Variants in IL1RAPL1 observed in about 807,000 individuals in gnomAD.
IL1RAPL1 encodes the protein interleukin 1 receptor accessory protein like 1.
IL1RAPL1 carries 3 observed loss-of-function variants against 48.4 expected under a neutral mutation model. The observed-to-expected ratio is 0.06, with a 90% CI of 0.03 to 0.16. IL1RAPL1 has a LOEUF of 0.16. Among genes scored for constraint, IL1RAPL1 ranks in the 10% least tolerant of loss-of-function variants. The pLI, the probability that IL1RAPL1 is intolerant of heterozygous loss-of-function variation, is 1.00. For missense variants in IL1RAPL1, 349 were observed against 530.6 expected, an observed-to-expected ratio of 0.66 and a Z score of 3.36; for synonymous variants, 185 against 187.7, an observed-to-expected ratio of 0.99 and a Z score of 0.12.
Position 29,442,126 on chromosome X carries a change from AT to A in IL1RAPL1, c.703+42819del, listed in dbSNP as rs1486673621. On this transcript the variant is annotated intron_variant, in intron 5 of 10. Coordinates refer to ENST00000378993, the MANE Select transcript of IL1RAPL1 (RefSeq NM_014271.4). ...AAGCAAGGCTAAGCAAAAAGAACAA[AT>A]CTGGAGGCATCACACTGCCTGATTT... Among the ~76,000 whole-genome samples, 14 of 112,041 alleles carry A rather than the reference AT, an allele frequency of 1.2e-4. No homozygotes were observed. In the East Asian group the frequency reaches 3.9e-3, roughly 31 times the overall value.
chrX:28,931,567 G>T (rs1321930825), intron 2 of IL1RAPL1, among the ~76,000 whole-genome samples: 2 of 111,504 alleles, frequency 1.8e-5, no homozygotes, highest in African/African-American at 6.5e-5. Flanking sequence ...TTTCAAATTA[G>T]TTAGCTAATG....
chrX:29,568,819 G>T (rs1347671927), intron 5 of IL1RAPL1, among the ~76,000 whole-genome samples: 2 of 111,239 alleles, frequency 1.8e-5, no homozygotes, highest in African/African-American at 6.5e-5. Context: ...TCATTACCAA[G>T]AAAATTTTAA....
At chrX:28,849,028 C>T (rs1401805891) in intron 2 of IL1RAPL1, among the ~76,000 whole-genome samples, 1 of 110,661 alleles carries the variant, frequency 9.0e-6, no homozygotes, top group Non-Finnish European at 1.9e-5. Context: ...TTGTCTAAAA[C>T]CTAGCAATTT....
intron 5 of IL1RAPL1, among the ~76,000 whole-genome samples, chrX:29,596,348 C>T (rs1164084657): frequency 8.9e-6 from 1 of 112,140 alleles, no homozygotes; most frequent in East Asian, 2.8e-4. Context: ...AATATTGATT[C>T]TACTCATCCA....
chrX:29,511,879 A>C (rs966322286), intron 5 of IL1RAPL1, among the ~76,000 whole-genome samples: 1 of 111,159 alleles, frequency 9.0e-6, no homozygotes, highest in Non-Finnish European at 1.9e-5. Context: ...TTCTCTTAAA[A>C]TTGAGCCATT....
intron 2 of IL1RAPL1, among the ~76,000 whole-genome samples, chrX:29,028,260 C>T (rs1429832105): frequency 9.3e-6 from 1 of 107,881 alleles, no homozygotes; most frequent in Non-Finnish European, 1.9e-5. Context: ...CCCTGGTAGG[C>T]ACCATTTTAC....
intron 1 of IL1RAPL1, among the ~76,000 whole-genome samples, chrX:28,648,287 C>G (rs1278713503): frequency 9.0e-6 from 1 of 111,724 alleles, no homozygotes; most frequent in Non-Finnish European, 1.9e-5. Context: ...CCTACCTATA[C>G]AAAATTATGG....
intron 2 of IL1RAPL1, among the ~76,000 whole-genome samples, chrX:28,853,286 G>A (rs1256417043): frequency 8.9e-6 from 1 of 111,779 alleles, no homozygotes; most frequent in African/African-American, 3.2e-5. Flanking sequence ...GGCCTAAAAT[G>A]TAGGTATCAT....
chrX:29,707,454 A>G (rs1927231603), intron 6 of IL1RAPL1, among the ~76,000 whole-genome samples: 2 of 111,617 alleles, frequency 1.8e-5, no homozygotes, highest in Non-Finnish European at 3.8e-5. Flanking sequence ...GAGGAAAATA[A>G]GTAATTATAT....
intron 2 of IL1RAPL1, among the ~76,000 whole-genome samples, chrX:29,060,532 G>C (rs186514325): frequency 1.8e-5 from 2 of 111,780 alleles, no homozygotes; most frequent in African/African-American, 6.5e-5. Context: ...ATTGCCTGAA[G>C]TTGTTAGCAT....
intron 9 of IL1RAPL1, among the ~76,000 whole-genome samples, chrX:29,951,450 A>T (rs1933319806): frequency 9.0e-6 from 1 of 111,555 alleles, no homozygotes; most frequent in Non-Finnish European, 1.9e-5. Flanking sequence ...ACCATAACAC[A>T]TGATCAGTGG....
chrX:29,210,557 AAATG>A (rs778419820), intron 2 of IL1RAPL1, among the ~76,000 whole-genome samples: 1 of 112,416 alleles, frequency 8.9e-6, no homozygotes, highest in African/African-American at 3.2e-5. Context: ...TTCTCTAATA[AAATG>A]AATGACAATA....
rs763155929 is a variant in IL1RAPL1, at chrX:28,647,502, G to T, written c.-25+59455G>T. Among the ~76,000 whole-genome samples, 15 of 112,013 alleles carry T rather than the reference G, an allele frequency of 1.3e-4. No homozygotes were observed. The East Asian group carries it at 3.1e-3, about 23-fold the overall frequency. ...ACATATTTAAGTTTTTGGACCTTCT[G>T]CTGTAAGAAAAAAACATAATTCTAC... On this transcript the variant is annotated intron_variant, in intron 1 of 10. Coordinates refer to ENST00000378993, the MANE Select transcript of IL1RAPL1 (RefSeq NM_014271.4).
At position 28,654,508 on chromosome X, in the gene IL1RAPL1, A is replaced by C. The variant is rs569565685; in HGVS notation, c.-25+66461A>C. Among the ~76,000 whole-genome samples the C allele has an allele frequency of 1.9e-4, 21 of 112,133 alleles. 1 individual carries two copies. In the South Asian group the frequency reaches 6.2e-3, roughly 33 times the overall value. On this transcript the variant is annotated intron_variant, in intron 1 of 10. Coordinates refer to ENST00000378993, the MANE Select transcript of IL1RAPL1 (RefSeq NM_014271.4). ...ATTTCAAATATATATGTATTTTTAT[A>C]ATTGTAACTCATAGATAATAATACA...
intron 2 of IL1RAPL1, among the ~76,000 whole-genome samples, chrX:29,021,235 A>T (rs2147402040): frequency 9.2e-6 from 1 of 108,638 alleles, no homozygotes; most frequent in African/African-American, 3.3e-5. Context: ...AAAAAAAAAA[A>T]AAAAAGAACA....
Position 29,145,331 on chromosome X carries a change from A to AAAT in IL1RAPL1, c.83-137606_83-137604dup, listed in dbSNP as rs766397858. 2.1e-3 allele frequency among the ~76,000 whole-genome samples: 235 copies of AAAT among 112,143 alleles called. 3 individuals are homozygous for AAAT. The highest frequency in any genetic ancestry group is 6.9e-3 in the African/African-American group (214 of 30,882). On this transcript the variant is annotated intron_variant, in intron 2 of 10. Transcript: ENST00000378993. ...TAATGGGAAAACTTCCCTAGTCCACAAATCATCTTATTATCCAGTCTGTAA... is the reference window on the plus strand; with the variant it reads ...TAATGGGAAAACTTCCCTAGTCCACAAATAATCATCTTATTATCCAGTCTGTAA...
chrX:29,645,649 C>A (rs1049208458), intron 5 of IL1RAPL1, among the ~76,000 whole-genome samples: 3 of 111,629 alleles, frequency 2.7e-5, no homozygotes, highest in African/African-American at 9.8e-5. Flanking sequence ...ACTACAGTGG[C>A]CTTGAGCTGT....
chrX:29,598,756 C>G (rs1250807336), intron 5 of IL1RAPL1, among the ~76,000 whole-genome samples: 1 of 111,689 alleles, frequency 9.0e-6, no homozygotes, highest in Non-Finnish European at 1.9e-5. Context: ...TCCTGTTGGA[C>G]TAGTACTTTT....
rs192578593 is a variant in IL1RAPL1, at chrX:29,081,952, A to G, written c.83-200986A>G. 3.3e-3 allele frequency among the ~76,000 whole-genome samples: 362 copies of G among 110,906 alleles called. 3 individuals are homozygous for G. Among genetic ancestry groups the G allele is most frequent in the Admixed American group, 4.8e-3 (50 of 10,318 alleles). On this transcript the variant is annotated intron_variant, in intron 2 of 10. Coordinates refer to ENST00000378993, the MANE Select transcript of IL1RAPL1 (RefSeq NM_014271.4). ...GATCTATTGTGAATATCCAAAGTGC[A>G]GACTGCCTGTTCATAACAAATTCTC... is the stretch of plus-strand genomic sequence containing the variant.
Sources: allele counts gnomAD v4.1 joint callset (sites outside exome capture counted in the v4.1 genomes callset), GRCh38; gene constraint gnomAD v4.1.1; transcripts MANE v1.5; gene names NCBI Gene and HGNC (gene_info 2026-07-23, HGNC 2026-07-21).